SGK3: variants seen among roughly 807,000 people sequenced by gnomAD.
SGK3 encodes serum/glucocorticoid regulated kinase family member 3, also known as serine/threonine-protein kinase Sgk3.
SGK3 carries 47 observed loss-of-function variants against 68.5 expected under a neutral mutation model. The observed-to-expected ratio is 0.69, with a 90% CI of 0.54 to 0.87. The LOEUF (loss-of-function observed/expected upper bound fraction) is 0.87. Among genes scored for constraint, SGK3 ranks in the 40% least tolerant of loss-of-function variants. The probability of loss-of-function intolerance (pLI) is 0.00; values close to 1 mark genes in which losing one functional copy is unlikely to be tolerated. For missense variants in SGK3, 479 were observed against 575.5 expected (o/e 0.83, Z 1.72); for synonymous variants, 181 against 189.1 (o/e 0.96, Z 0.35).
At chr8:66,799,399 A>C (rs1191463956) in intron 3 of SGK3, among the ~76,000 whole-genome samples, 1 of 152,198 alleles carries the variant, frequency 6.6e-6, no homozygotes, top group Non-Finnish European at 1.5e-5. Flanking sequence ...CCATCTAAAA[A>C]AATAAAGGCA....
At chr8:66,850,802 A>G (rs764640946) in intron 15 of SGK3, 29 bp from the exon 16 acceptor site, 2 of 1,567,768 alleles carry the variant, frequency 1.3e-6, no homozygotes, top group East Asian at 4.7e-5. Flanking sequence ...CTTCGGCATT[A>G]GTAAAACAAA....
intron 2 of SGK3, among the ~76,000 whole-genome samples, chr8:66,795,945 C>G (rs147649546): frequency 6.6e-6 from 1 of 152,158 alleles, no homozygotes; most frequent in Non-Finnish European, 1.5e-5. Context: ...TATTGTTTCA[C>G]CAGCCCTAGA....
intron 7 of SGK3, among the ~76,000 whole-genome samples, chr8:66,829,887 T>A (rs930627337): frequency 1.7e-4 from 25 of 151,440 alleles, no homozygotes; most frequent in East Asian, 5.8e-4. Flanking sequence ...TTTTTTTTTT[T>A]ATTGAGACAG....
intron 14 of SGK3, among the ~76,000 whole-genome samples, chr8:66,846,434 TC>T (rs1391416741): frequency 6.6e-6 from 1 of 152,004 alleles, no homozygotes; most frequent in East Asian, 1.9e-4. Context: ...CATGCCTCAG[TC>T]TCCTGAGTAG....
At chr8:66,847,696 A>C (rs1359975371) in intron 15 of SGK3, among the ~76,000 whole-genome samples, 4 of 152,104 alleles carry the variant, frequency 2.6e-5, no homozygotes, top group Admixed American at 2.0e-4. Context: ...TTTATTGCTA[A>C]ATAATACTAA....
Position 66,840,987 on chromosome 8 carries a change from A to G in SGK3, c.892-37A>G, listed in dbSNP as rs766210686. On this transcript the variant is annotated intron_variant, in intron 12 of 16. Coordinates refer to ENST00000521198, the MANE Select transcript of SGK3 (RefSeq NM_001033578.3). ...ACTGAAAAATTGTCAATTCATATTTATGCATTGTTTTATCTTACTGCCCCT... is the reference window on the plus strand; with the variant it reads ...ACTGAAAAATTGTCAATTCATATTTGTGCATTGTTTTATCTTACTGCCCCT... 3.6e-6 allele frequency: 5 copies of G among 1,403,680 alleles called. No individual in the cohort carries two copies. The East Asian group carries it at 7.4e-5, about 21-fold the overall frequency. 87.0% of individuals were successfully genotyped at this position (1,403,680 alleles called of 1,614,324 possible). A position where few individuals can be genotyped will look rare whatever the true frequency, so the allele number is the denominator to read the frequency against.
chr8:66,812,498 C>T (rs894354292), intron 4 of SGK3, among the ~76,000 whole-genome samples: 12 of 151,478 alleles, frequency 7.9e-5, no homozygotes, highest in Admixed American at 7.3e-4. Context: ...GTGAAGTTTG[C>T]AGTGAGCTGA....
chr8:66,756,094 A>G (rs1394497934), intron 1 of SGK3, among the ~76,000 whole-genome samples: 2 of 152,160 alleles, frequency 1.3e-5, no homozygotes, highest in African/African-American at 2.4e-5. Context: ...CTAATTCAGT[A>G]TGACCATTGT....
At chr8:66,749,492 C>T (rs1000697361) in intron 1 of SGK3, among the ~76,000 whole-genome samples, 2 of 152,014 alleles carry the variant, frequency 1.3e-5, no homozygotes, top group African/African-American at 4.8e-5. Context: ...TTCGCTAGTA[C>T]GAACATTGAC....
intron 4 of SGK3, among the ~76,000 whole-genome samples, chr8:66,811,168 G>T (rs991159403): frequency 6.6e-6 from 1 of 152,114 alleles, no homozygotes; most frequent in South Asian, 2.1e-4. Context: ...GATGTATGTC[G>T]CCACAGCTAG....
At chr8:66,819,470 C>T (rs1410245131) in intron 5 of SGK3, among the ~76,000 whole-genome samples, 1 of 152,038 alleles carries the variant, frequency 6.6e-6, no homozygotes, top group African/African-American at 2.4e-5. Context: ...GAAGTCATAC[C>T]CTCAAGTGGA....
chr8:66,805,757 T>C (rs891505322), intron 4 of SGK3, among the ~76,000 whole-genome samples: 1 of 152,202 alleles, frequency 6.6e-6, no homozygotes, highest in Non-Finnish European at 1.5e-5. Context: ...AGATGAATCC[T>C]GAATGGATTG....
intron 16 of SGK3, among the ~76,000 whole-genome samples, chr8:66,852,774 C>T (rs951289154): frequency 3.9e-5 from 6 of 152,100 alleles, no homozygotes; most frequent in African/African-American, 1.4e-4. Context: ...AGGAATGACT[C>T]CATTAGGAAT....
At position 66,846,166 on chromosome 8, in the gene SGK3, T is replaced by G. The variant is rs17423218; in HGVS notation, c.1075-1027T>G. 9.8e-3 allele frequency among the ~76,000 whole-genome samples: 1,486 copies of G among 152,320 alleles called. 9 individuals carry two copies. The highest frequency in any genetic ancestry group is 0.015 in the Non-Finnish European group (1,040 of 68,026). On this transcript the variant is annotated intron_variant, in intron 14 of 16. Transcript: ENST00000521198. Reference sequence around the variant, plus strand: ...AATTCCCTCTTTGGAAAAATGTTTCTGGTGCTCTGGACACATTAATTCAAA... The same window carrying G: ...AATTCCCTCTTTGGAAAAATGTTTCGGGTGCTCTGGACACATTAATTCAAA...
intron 1 of SGK3, among the ~76,000 whole-genome samples, chr8:66,758,640 G>A (rs867466649): frequency 6.6e-6 from 1 of 152,092 alleles, no homozygotes; most frequent in Non-Finnish European, 1.5e-5. Context: ...TGGCTAAGTA[G>A]TAGCTTCTTA....
rs1265292131 is a variant in SGK3 at position 66,821,112 on chromosome 8, G to T, written c.330-1260G>T. 3.3e-5 allele frequency among the ~76,000 whole-genome samples: 5 copies of T among 152,078 alleles called. No homozygotes were observed. The East Asian group carries it at 9.6e-4, about 29-fold the overall frequency. ...GGACAGATTGGGGAGAGGGTGCCGGGTATGGAGATTTAATTATTCCCCACA... is the reference window on the plus strand; with the variant it reads ...GGACAGATTGGGGAGAGGGTGCCGGTTATGGAGATTTAATTATTCCCCACA... On this transcript the variant is annotated intron_variant, in intron 5 of 16. Transcript: ENST00000521198.
At chr8:66,756,787 C>T (rs1416686996) in intron 1 of SGK3, among the ~76,000 whole-genome samples, 2 of 151,920 alleles carry the variant, frequency 1.3e-5, no homozygotes, top group Non-Finnish European at 2.9e-5. Context: ...TTGGCAGGGT[C>T]TCCCTGTTGC....
intron 1 of SGK3, among the ~76,000 whole-genome samples, chr8:66,730,495 G>A (rs994843990): frequency 6.6e-6 from 1 of 151,796 alleles, no homozygotes; most frequent in African/African-American, 2.4e-5. Context: ...TGTGCTTTTG[G>A]TGTCACATCA....
chr8:66,766,691 TTTTG>T (rs1806329927), intron 1 of SGK3, among the ~76,000 whole-genome samples: 2 of 152,196 alleles, frequency 1.3e-5, no homozygotes, highest in African/African-American at 2.4e-5. Context: ...TATTTTCAGT[TTTTG>T]TTCATATATT....
Sources: allele counts gnomAD v4.1 joint callset (sites outside exome capture counted in the v4.1 genomes callset), GRCh38; gene constraint gnomAD v4.1.1; transcripts MANE v1.5; gene names NCBI Gene and HGNC (gene_info 2026-07-23, HGNC 2026-07-21).